IDH1: variants seen among roughly 807,000 people sequenced by gnomAD.
IDH1 encodes the protein isocitrate dehydrogenase (NADP(+)) 1, also known as isocitrate dehydrogenase [NADP] cytoplasmic.
In IDH1, 33 loss-of-function variants were observed where a neutral mutation model predicts 46.1. The ratio of observed to expected loss-of-function variants is 0.72; its 90% CI spans 0.54 to 0.96. The LOEUF is 0.96. IDH1 is among the 40% of genes least tolerant of loss of function. IDH1 has a pLI of 0.00. For missense variants in IDH1, 421 were observed against 515.7 expected (o/e 0.82, Z 1.78); for synonymous variants, 144 against 172.8 (o/e 0.83, Z 1.31).
At chr2:208,238,334 G>A (rs144223704) in intron 9 of IDH1, among the ~76,000 whole-genome samples, 8 of 152,128 alleles carry the variant, frequency 5.3e-5, no homozygotes, top group African/African-American at 1.7e-4. Context: ...AGCACCCAGC[G>A]AACACTGCAA....
chr2:208,236,414 T>TCAGGC lies in IDH1; in HGVS notation c.*660_*664dup, dbSNP rs1687813139. On this transcript the variant is annotated 3_prime_UTR_variant, in exon 10 of 10. Coordinates refer to ENST00000345146, the MANE Select transcript of IDH1 (RefSeq NM_005896.4). ...TATGCTATTTAGAGTAGTATAATAT[T>TCAGGC]CAGGCCAGGCCAGGAGGAGAAAGAG... The TCAGGC allele has an allele frequency of 4.3e-6, 1 of 231,420 alleles. No individual in the cohort carries two copies. Among genetic ancestry groups the TCAGGC allele is most frequent in the Non-Finnish European group, 8.6e-6 (1 of 116,876 alleles). The allele number at this position is 231,420 out of a possible 1,614,324, so 14.3% of individuals were successfully genotyped here.
At chr2:208,238,572 C>T (rs2124846480) in intron 9 of IDH1, among the ~76,000 whole-genome samples, 1 of 152,306 alleles carries the variant, frequency 6.6e-6, no homozygotes, top group Non-Finnish European at 1.5e-5. Flanking sequence ...TAATCAATTG[C>T]ACACCTTAAA....
intron 9 of IDH1, among the ~76,000 whole-genome samples, chr2:208,238,597 T>C (rs1687861773): frequency 6.6e-6 from 1 of 152,238 alleles, no homozygotes. Context: ...TGCTGCTCAC[T>C]TTTCTCATCA....
intron 2 of IDH1, among the ~76,000 whole-genome samples, chr2:208,252,947 TA>T (rs1688150486): frequency 6.6e-6 from 1 of 152,240 alleles, no homozygotes; most frequent in Non-Finnish European, 1.5e-5. Flanking sequence ...TAATGTCAAG[TA>T]TAATTTGTAG....
chr2:208,243,741 C>G, intron 5 of IDH1, 137 bp from the exon 6 acceptor site: 1 of 751,514 alleles, frequency 1.3e-6, no homozygotes, highest in Non-Finnish European at 2.3e-6. Flanking sequence ...TTCAGAAGTC[C>G]CAGACAGGTT....
At chr2:208,248,324 G>GAA in intron 4 of IDH1, 45 bp downstream of exon 4, 34 of 1,346,246 alleles carry the variant, frequency 2.5e-5, no homozygotes, top group South Asian at 5.3e-5. Context: ...TCTGGGCCAT[G>GAA]AAAAAAAAAA....
chr2:208,245,526 T>C (rs2124858158), intron 4 of IDH1, 102 bp from the exon 5 acceptor site: 2 of 568,882 alleles, frequency 3.5e-6, no homozygotes, highest in South Asian at 1.7e-5. Flanking sequence ...CCTAGACAAA[T>C]AGGGCAGTAT....
At position 208,245,160 on chromosome 2, in the gene IDH1, G is replaced by C. The variant is rs1261246824; in HGVS notation, c.520+159C>G. On this transcript the variant is annotated intron_variant, in intron 5 of 9. Coordinates refer to ENST00000345146, the MANE Select transcript of IDH1 (RefSeq NM_005896.4). Reference sequence around the variant, plus strand: ...ATTCATGCCACAGGAAGGTATGGAAGCAAATTACTTCTTTATGTCAAGTTT... The same window carrying C: ...ATTCATGCCACAGGAAGGTATGGAACCAAATTACTTCTTTATGTCAAGTTT... Among the ~76,000 whole-genome samples, 4 of 152,090 alleles carry C rather than the reference G, an allele frequency of 2.6e-5. No individual in the cohort carries two copies. The East Asian group carries it at 7.7e-4, about 29-fold the overall frequency.
At chr2:208,254,108 C>T (rs908771380) in intron 1 of IDH1, 149 bp from the exon 2 acceptor site, 2 of 152,230 alleles carry the variant, frequency 1.3e-5, no homozygotes, top group African/African-American at 4.8e-5. Context: ...ATTTTAGGCC[C>T]GCAGGCACTT....
chr2:208,253,060 C>T (rs1688152695), intron 2 of IDH1, among the ~76,000 whole-genome samples: 1 of 152,190 alleles, frequency 6.6e-6, no homozygotes, highest in African/African-American at 2.4e-5. Flanking sequence ...TTATCTGGTT[C>T]CTGATAATAC....
At chr2:208,248,703 G>A (rs2124864303) in intron 3 of IDH1, 43 bp from the exon 4 acceptor site, 1 of 1,560,104 alleles carries the variant, frequency 6.4e-7, no homozygotes, top group Non-Finnish European at 8.8e-7. Flanking sequence ...CAGACAAATG[G>A]ATAGTTATAA....
intron 3 of IDH1, among the ~76,000 whole-genome samples, chr2:208,249,345 A>G (rs1010787393): frequency 1.3e-5 from 2 of 152,188 alleles, no homozygotes; most frequent in Non-Finnish European, 2.9e-5. Flanking sequence ...ATGCACCACC[A>G]TGCCCAGCTA....
At position 208,247,277 on chromosome 2, in the gene IDH1, T is replaced by G. The variant is rs368331565; in HGVS notation, c.414+1092A>C. The G allele has an allele frequency of 4.6e-5, 7 of 152,348 alleles. No homozygotes were observed. The South Asian group carries it at 1.4e-3, about 32-fold the overall frequency. The allele number at this position is 152,348 out of a possible 1,614,324, so 9.4% of individuals were successfully genotyped here. A position where few individuals can be genotyped will look rare whatever the true frequency, so the allele number is the denominator to read the frequency against. ...ACATAAACTACTTTCTGTGAAAGTC[T>G]GAAACCTCAGTTTCAACACTGAACT... On this transcript the variant is annotated intron_variant, in intron 4 of 9. Transcript: ENST00000345146.
chr2:208,251,437 G>C lies in IDH1; in HGVS notation c.115C>G (p.Leu39Val), dbSNP rs2124867979. Residue 39 changes from leucine to valine, a missense_variant, in exon 3 of 10, where the codon CTA (leucine) becomes GTA (valine). Physicochemically the swap from Leu to Val is conservative, Grantham distance 32. Coordinates refer to ENST00000345146, the MANE Select transcript of IDH1 (RefSeq NM_005896.4). Reference protein sequence around the residue: ...KLIFPYVELDLHSYDLGIENR... With the variant: ...KLIFPYVELDVHSYDLGIENR... ...GAGGGGTAACTCATTTACCTATGTAGATCCAATTCCACGTAGGGAAAAATG... is the reference window on the plus strand; with the variant it reads ...GAGGGGTAACTCATTTACCTATGTACATCCAATTCCACGTAGGGAAAAATG... 1 of 1,613,008 alleles carries C rather than the reference G, an allele frequency of 6.2e-7. No individual in the cohort carries two copies. The highest frequency in any genetic ancestry group is 2.2e-5 in the East Asian group (1 of 44,864).
chr2:208,251,215 T>G, intron 3 of IDH1: 1 of 473,856 alleles, frequency 2.1e-6, no homozygotes. Context: ...TCAGATTATA[T>G]TCTTTTTTTT....
At chr2:208,240,936 TGA>T (rs1165966651) in intron 7 of IDH1, among the ~76,000 whole-genome samples, 1 of 152,174 alleles carries the variant, frequency 6.6e-6, no homozygotes, top group Non-Finnish European at 1.5e-5. Flanking sequence ...ATTTTCAAAC[TGA>T]GAGGAGATGT....
At chr2:208,243,629 GA>G in intron 5 of IDH1, 25 bp from the exon 6 acceptor site, 6 of 1,577,304 alleles carry the variant, frequency 3.8e-6, no homozygotes, top group Non-Finnish European at 5.2e-6. Context: ...CCAGTGAGAG[GA>G]AAAAAGGGAG....
rs144680615 is a variant in IDH1, at chr2:208,251,062, G to A, written c.122+368C>T. ...AATCATTCTTTCCCTTATAATTCTT[G>A]ACTTTTAGATGATAAATCCAGTTTT... On this transcript the variant is annotated intron_variant, in intron 3 of 9. Transcript: ENST00000345146. Among the ~76,000 whole-genome samples, 531 of 152,192 alleles carry A rather than the reference G, an allele frequency of 3.5e-3. 3 individuals carry two copies. The highest frequency in any genetic ancestry group is 0.012 in the African/African-American group (506 of 41,520).
At chr2:208,238,417 C>G (rs1270570837) in intron 9 of IDH1, among the ~76,000 whole-genome samples, 2 of 152,170 alleles carry the variant, frequency 1.3e-5, no homozygotes, top group African/African-American at 4.8e-5. Flanking sequence ...ACTGACCCTA[C>G]CTGGGACCTC....
Sources: allele counts gnomAD v4.1 joint callset (sites outside exome capture counted in the v4.1 genomes callset), GRCh38; gene constraint gnomAD v4.1.1; transcripts MANE v1.5; gene names NCBI Gene and HGNC (gene_info 2026-07-23, HGNC 2026-07-21).